Variants in RASAL2 observed in about 807,000 individuals in gnomAD.
RASAL2 encodes RAS protein activator like 2.
In RASAL2, 58 loss-of-function variants were observed where a neutral mutation model predicts 128.9. That is an observed-to-expected ratio of 0.45 (90% CI 0.36 to 0.56). The LOEUF (loss-of-function observed/expected upper bound fraction) is 0.56, where lower values mean the gene tolerates loss of function less well. Among genes scored for constraint, RASAL2 ranks in the 20% least tolerant of loss-of-function variants. RASAL2 has a pLI of 0.00. For missense variants in RASAL2, 1,360 were observed against 1,601.6 expected, an observed-to-expected ratio of 0.85 and a Z score of 2.57; for synonymous variants, 561 against 580.8, an observed-to-expected ratio of 0.97 and a Z score of 0.49.
intron 1 of RASAL2, among the ~76,000 whole-genome samples, chr1:178,195,300 G>A (rs143106825): frequency 9.3e-4 from 141 of 152,198 alleles, no homozygotes; most frequent in African/African-American, 2.9e-3. Context: ...TCCATAGTAG[G>A]CGTTTATTAA....
chr1:178,383,378 C>T (rs1198948826), intron 3 of RASAL2, among the ~76,000 whole-genome samples: 2 of 152,184 alleles, frequency 1.3e-5, no homozygotes, highest in African/African-American at 4.8e-5. Flanking sequence ...TGGGATACAG[C>T]AGAAAGTATC....
intron 4 of RASAL2, among the ~76,000 whole-genome samples, chr1:178,398,686 T>C (rs1185021865): frequency 3.3e-5 from 5 of 152,232 alleles, no homozygotes; most frequent in African/African-American, 1.2e-4. Flanking sequence ...GTATTCACTT[T>C]ATGTTTTTCT....
chr1:178,229,940 T>C (rs1663933665), intron 1 of RASAL2, among the ~76,000 whole-genome samples: 1 of 152,222 alleles, frequency 6.6e-6, no homozygotes. Flanking sequence ...AGCTTCCTGG[T>C]TCTCCTTTCT....
At chr1:178,224,828 C>T (rs1435075852) in intron 1 of RASAL2, among the ~76,000 whole-genome samples, 1 of 152,128 alleles carries the variant, frequency 6.6e-6, no homozygotes, top group Non-Finnish European at 1.5e-5. Flanking sequence ...CTTTTCATCT[C>T]TACTTGTTTC....
At chr1:178,366,240 A>T (rs1671392213) in intron 3 of RASAL2, among the ~76,000 whole-genome samples, 1 of 152,208 alleles carries the variant, frequency 6.6e-6, no homozygotes, top group Admixed American at 6.5e-5. Flanking sequence ...AGAGTGATTC[A>T]GCAAAGTTGG....
In RASAL2 at chr1:178,420,644, C is replaced by A; in HGVS notation, c.674+24C>A. 2.0e-6 allele frequency: 3 copies of A among 1,517,758 alleles called. No individual in the cohort carries two copies. The Admixed American group carries it at 5.9e-5, about 30-fold the overall frequency. 94.0% of individuals were successfully genotyped at this position (1,517,758 alleles called of 1,614,324 possible). On this transcript the variant is annotated intron_variant, in intron 5 of 17. Transcript: ENST00000367649. ...AGGTAGGAAGTTAACTTTCTTAAAA[C>A]AAAAAAAGCAGTTTGAGAGTGAATT...
chr1:178,190,736 TAAAA>T (rs34917770), intron 1 of RASAL2, among the ~76,000 whole-genome samples: 1 of 148,858 alleles, frequency 6.7e-6, no homozygotes, highest in Non-Finnish European at 1.5e-5. Flanking sequence ...ATTTCATAGT[TAAAA>T]AAAAAAAAAA....
intron 1 of RASAL2, among the ~76,000 whole-genome samples, chr1:178,239,653 C>G (rs1664404933): frequency 6.6e-6 from 1 of 152,058 alleles, no homozygotes; most frequent in Non-Finnish European, 1.5e-5. Flanking sequence ...ACATTACTCT[C>G]TATCCAAGGG....
At chr1:178,296,057 A>ATG (rs1192013242) in intron 2 of RASAL2, among the ~76,000 whole-genome samples, 1 of 151,612 alleles carries the variant, frequency 6.6e-6, no homozygotes, top group Non-Finnish European at 1.5e-5. Context: ...GTGTATATAT[A>ATG]TGTGTGTGTA....
chr1:178,159,904 A>AAAACAAAC (rs890728705), intron 1 of RASAL2, among the ~76,000 whole-genome samples: 2 of 152,098 alleles, frequency 1.3e-5, no homozygotes, highest in African/African-American at 2.4e-5. Context: ...GACTCTGTCT[A>AAAACAAAC]AAACAAACAA....
At chr1:178,366,478 A>G (rs1366598323) in intron 3 of RASAL2, among the ~76,000 whole-genome samples, 1 of 152,086 alleles carries the variant, frequency 6.6e-6, no homozygotes, top group Non-Finnish European at 1.5e-5. Flanking sequence ...GGTTTCTTCA[A>G]GAAGGATGGA....
intron 3 of RASAL2, among the ~76,000 whole-genome samples, chr1:178,334,864 A>G (rs1669511827): frequency 6.6e-6 from 1 of 152,152 alleles, no homozygotes. Context: ...AGGCTGAGGC[A>G]GGAGAATCGC....
intron 1 of RASAL2, among the ~76,000 whole-genome samples, chr1:178,184,265 C>G (rs377641031): frequency 2.6e-5 from 4 of 152,078 alleles, no homozygotes; most frequent in Non-Finnish European, 5.9e-5. Flanking sequence ...TTTTGACTCT[C>G]TTACCAGTGT....
Position 178,382,810 on chromosome 1 carries a change from T to G in RASAL2, c.458-7290T>G, listed in dbSNP as rs12047567. 1.9e-3 allele frequency among the ~76,000 whole-genome samples: 292 copies of G among 152,308 alleles called. 2 individuals carry two copies. The East Asian group carries it at 0.028, about 14-fold the overall frequency. ...GTTTGATGTTTGTACTTGTCGTTGTTATGTTTTCATCATCATCATTAAGAT... is the reference window on the plus strand; with the variant it reads ...GTTTGATGTTTGTACTTGTCGTTGTGATGTTTTCATCATCATCATTAAGAT... On this transcript the variant is annotated intron_variant, in intron 3 of 17. Transcript: ENST00000367649.
intron 1 of RASAL2, among the ~76,000 whole-genome samples, chr1:178,276,206 A>G (rs1443995565): frequency 1.3e-5 from 2 of 152,198 alleles, no homozygotes; most frequent in African/African-American, 4.8e-5. Flanking sequence ...GTTCACAGGT[A>G]CTGTGTGTTG....
intron 1 of RASAL2, among the ~76,000 whole-genome samples, chr1:178,259,685 C>T (rs1012925560): frequency 2.0e-5 from 3 of 152,116 alleles, no homozygotes; most frequent in Non-Finnish European, 4.4e-5. Context: ...CCTTAGCCTC[C>T]CCAGTAGCTG....
In RASAL2 at chr1:178,371,355, TAC is replaced by T. The variant is rs766584516; in HGVS notation, c.458-18724_458-18723del. 3.0e-3 allele frequency among the ~76,000 whole-genome samples: 379 copies of T among 127,474 alleles called. 4 individuals are homozygous for T. In the East Asian group the frequency reaches 0.031, roughly 10 times the overall value. The allele number at this position is 127,474 out of a possible 152,430, so 83.6% of individuals were successfully genotyped here. The stretch of plus-strand genomic sequence containing the variant: ...ACACACACACACACACACACACAAA[TAC>T]ACACACACACACACACACACTTCCT... On this transcript the variant is annotated intron_variant, in intron 3 of 17. Coordinates refer to ENST00000367649, the MANE Select transcript of RASAL2 (RefSeq NM_170692.4).
intron 1 of RASAL2, among the ~76,000 whole-genome samples, chr1:178,142,071 C>T (rs577732678): frequency 5.9e-5 from 9 of 152,134 alleles, no homozygotes; most frequent in African/African-American, 7.2e-5. Flanking sequence ...GGGAGGGCCA[C>T]GAGGATCTAC....
At chr1:178,181,626 A>G (rs542375814) in intron 1 of RASAL2, among the ~76,000 whole-genome samples, 14 of 152,218 alleles carry the variant, frequency 9.2e-5, no homozygotes, top group African/African-American at 2.6e-4. Flanking sequence ...AGGATACCAC[A>G]TTTAACTTTG....
Sources: gnomAD v4.1 joint callset for allele counts (sites outside exome capture counted in the v4.1 genomes callset) on GRCh38, gnomAD v4.1.1 for gene constraint, MANE v1.5 for transcripts, NCBI Gene and HGNC (gene_info 2026-07-23, HGNC 2026-07-21) for gene names.